The following NLRC4 variants were observed in gnomAD, a reference collection of about 807,000 sequenced individuals.
NLRC4 encodes the protein NLR family CARD domain containing 4, also known as NLR family CARD domain-containing protein 4.
A neutral mutation model predicts 79.9 loss-of-function variants in NLRC4; 63 were observed. The ratio of observed to expected loss-of-function variants is 0.79; its 90% CI spans 0.64 to 0.97. The LOEUF (loss-of-function observed/expected upper bound fraction) is 0.97. Ranked by LOEUF, NLRC4 falls within the 50% of genes least tolerant of loss-of-function variation. NLRC4 has a pLI of 0.00. For missense variants in NLRC4, 1,074 were observed against 1,215.2 expected (o/e 0.88, Z 1.73); for synonymous variants, 461 against 456.5 (o/e 1.01, Z -0.12).
chr2:32,231,572 TGTG>T (rs1686535871), intron 8 of NLRC4, among the ~76,000 whole-genome samples: 2 of 59,454 alleles, frequency 3.4e-5, no homozygotes, highest in African/African-American at 1.6e-4. Flanking sequence ...TATTTTTTTT[TGTG>T]GGGGGGGGGT....
At chr2:32,225,409 ATGTGTGTG>A (rs35323064) in intron 8 of NLRC4, among the ~76,000 whole-genome samples, 23,627 of 149,036 alleles carry the variant, frequency 0.16, 2,181 homozygotes, top group African/African-American at 0.25. Flanking sequence ...CATACAAAGG[ATGTGTGTG>A]TGTGTGTGTG....
intron 1 of NLRC4, among the ~76,000 whole-genome samples, chr2:32,257,520 T>C (rs954417370): frequency 6.8e-6 from 1 of 148,140 alleles, no homozygotes; most frequent in Non-Finnish European, 1.5e-5. Flanking sequence ...GGCAGGAGAG[T>C]CACTTGAGCC....
chr2:32,244,316 T>C (rs212726), intron 4 of NLRC4, among the ~76,000 whole-genome samples: 92,754 of 151,886 alleles, frequency 0.61, 28,547 homozygotes, highest in Admixed American at 0.64. Flanking sequence ...GACATGATCA[T>C]ATAAATGGAT....
intron 8 of NLRC4, among the ~76,000 whole-genome samples, chr2:32,232,851 TTTA>T (rs1307253286): frequency 6.6e-6 from 1 of 152,126 alleles, no homozygotes; most frequent in African/African-American, 2.4e-5. Context: ...GATATCTGCA[TTTA>T]TTATTTTGCA....
At position 32,250,707 on chromosome 2, in the gene NLRC4, A is replaced by C; in HGVS notation, c.1157T>G (p.Phe386Cys). The change falls in exon 4 of 9, where the codon TTC becomes TGC. Residue 386 changes from phenylalanine (F) to cysteine (C), a missense_variant. Physicochemically the swap from Phe to Cys is radical, Grantham distance 205 (BLOSUM62 -2). Coordinates refer to ENST00000402280, the MANE Select transcript of NLRC4 (RefSeq NM_001199138.2). This position sits in a 1 kb window ranked among gnomAD's most constrained non-coding sequence, Gnocchi z 4.9. ...TCCACAGTGGTCCAGGCTCCGAATG[A>C]AGTCACTTGCAGCCACACCTTTATG... Reference protein sequence around the residue: ...HKHKGVAASDFIRSLDHCGDL... With the variant: ...HKHKGVAASDCIRSLDHCGDL... 1.2e-6 allele frequency: 2 copies of C among 1,614,228 alleles called. No individual in the cohort carries two copies. Among genetic ancestry groups the C allele is most frequent in the Non-Finnish European group, 1.7e-6 (2 of 1,180,042 alleles).
At chr2:32,260,368 C>T (rs147910885) in intron 1 of NLRC4, among the ~76,000 whole-genome samples, 87 of 152,172 alleles carry the variant, frequency 5.7e-4, no homozygotes, top group Middle Eastern at 3.4e-3. Flanking sequence ...ACAAAAACTT[C>T]TCTAAGAATA....
chr2:32,256,276 A>G (rs188997264), intron 2 of NLRC4, among the ~76,000 whole-genome samples: 1 of 152,306 alleles, frequency 6.6e-6, no homozygotes, highest in Non-Finnish European at 1.5e-5. Context: ...CATTAGCCAC[A>G]TGTGACTACT....
rs775961328 is a variant in NLRC4, at chr2:32,235,566, C to T, written c.2617G>A (p.Asp873Asn). ...DGNEALHELIDRMNVLEQLTA... is the reference protein window; with the variant it reads ...DGNEALHELINRMNVLEQLTA... ...AGCTGTTCTAGCACGTTCATCCTGT[C>T]GACTGGAAGAAACAAAGAGCAGTTC... Residue 873 changes from aspartate (D) to asparagine (N), a missense_variant and splice_region_variant, in exon 8 of 9, where the codon GAC becomes AAC. Coordinates refer to ENST00000402280, the MANE Select transcript of NLRC4 (RefSeq NM_001199138.2). 9 of 1,612,708 alleles carry T rather than the reference C, an allele frequency of 5.6e-6. No individual in the cohort carries two copies. Among genetic ancestry groups the T allele is most frequent in the South Asian group, 3.3e-5 (3 of 90,982 alleles).
At chr2:32,228,662 AAG>A (rs1480983617) in intron 8 of NLRC4, among the ~76,000 whole-genome samples, 1 of 152,154 alleles carries the variant, frequency 6.6e-6, no homozygotes, top group African/African-American at 2.4e-5. Context: ...GATGCTAAGA[AAG>A]AGCTTTTGGA....
intron 2 of NLRC4, 58 bp downstream of exon 2, chr2:32,256,717 C>T: frequency 2.8e-6 from 2 of 724,024 alleles, no homozygotes; most frequent in South Asian, 2.7e-5. Context: ...CATTTAAAAT[C>T]ACCAGTATTT....
chr2:32,235,250 T>C (rs1573474086), intron 8 of NLRC4, 151 bp downstream of exon 8: 1 of 616,854 alleles, frequency 1.6e-6, no homozygotes, highest in East Asian at 2.8e-5. Context: ...TTAAGTCTTC[T>C]TACTCTAACG....
At chr2:32,265,342 G>A (rs1373297129), upstream of NLRC4, among the ~76,000 whole-genome samples, 7 of 151,678 alleles carry the variant, frequency 4.6e-5, no homozygotes, top group African/African-American at 1.5e-4. Flanking sequence ...CACCATGCCC[G>A]GCTAATTTTT....
At chr2:32,238,974 C>G (rs370567450) in intron 5 of NLRC4, among the ~76,000 whole-genome samples, 1 of 151,966 alleles carries the variant, frequency 6.6e-6, no homozygotes, top group African/African-American at 2.4e-5. Context: ...CTGTAGCCTA[C>G]GGGAAAGAAA....
At chr2:32,236,215 G>A (rs1416692364) in intron 7 of NLRC4, 32 bp downstream of exon 7, 1 of 1,352,050 alleles carries the variant, frequency 7.4e-7, no homozygotes, top group Non-Finnish European at 1.1e-6. Flanking sequence ...ACATATTCAA[G>A]TATCTAATTT....
At chr2:32,263,169 T>C (rs1051616977) in intron 1 of NLRC4, among the ~76,000 whole-genome samples, 1 of 152,032 alleles carries the variant, frequency 6.6e-6, no homozygotes, top group African/African-American at 2.4e-5. Context: ...AAAGAGTACA[T>C]ATAATTAGGA....
intron 4 of NLRC4, among the ~76,000 whole-genome samples, chr2:32,242,920 T>C (rs1686838776): frequency 6.6e-6 from 1 of 151,910 alleles, no homozygotes; most frequent in Non-Finnish European, 1.5e-5. Flanking sequence ...TGGTGGCAGG[T>C]GTGAGTAGTC....
Position 32,251,509 on chromosome 2 carries a change from G to A in NLRC4, c.355C>T (p.Pro119Ser), listed in dbSNP as rs1227008166. The A allele has an allele frequency of 6.2e-7, 1 of 1,613,948 alleles. No homozygotes were observed. The highest frequency in any genetic ancestry group is 1.7e-5 in the Admixed American group (1 of 60,006). ...YHTPSFLNFY[P>S]LGEDIDIIFN... ...ATAATGTCAATATCTTCACCAAGGG[G>A]ATAAAAGTTCAGAAAAGATGGGGTA... is the stretch of plus-strand genomic sequence containing the variant. Residue 119 changes from proline (P) to serine (S), a missense_variant, in exon 4 of 9, where the codon CCC (proline) becomes TCC (serine). Physicochemically the swap from Pro to Ser is moderately conservative, Grantham distance 74. Coordinates refer to ENST00000402280, the MANE Select transcript of NLRC4 (RefSeq NM_001199138.2).
intron 8 of NLRC4, among the ~76,000 whole-genome samples, chr2:32,225,465 T>C (rs1686364939): frequency 6.6e-6 from 1 of 151,852 alleles, no homozygotes; most frequent in African/African-American, 2.4e-5. Flanking sequence ...ACAAATAGTT[T>C]AGTGTTCATT....
intron 4 of NLRC4, among the ~76,000 whole-genome samples, chr2:32,246,221 A>T (rs187611696): frequency 6.6e-6 from 1 of 152,156 alleles, no homozygotes; most frequent in Admixed American, 6.5e-5. Flanking sequence ...TACTTTTTTT[A>T]AATGGCAAAC....
Sources: allele counts gnomAD v4.1 joint callset (sites outside exome capture counted in the v4.1 genomes callset), GRCh38; gene constraint gnomAD v4.1.1; non-coding constraint Gnocchi (gnomAD v3.1); transcripts MANE v1.5; gene names NCBI Gene and HGNC (gene_info 2026-07-23, HGNC 2026-07-21).